PSD2: variants seen among roughly 807,000 people sequenced by gnomAD.
PSD2 encodes the protein PH and SEC7 domain-containing protein 2.
A neutral mutation model predicts 69.8 loss-of-function variants in PSD2; 38 were observed. The observed-to-expected ratio is 0.54, with a 90% CI of 0.42 to 0.71. The LOEUF (loss-of-function observed/expected upper bound fraction) is 0.71, where lower values mean the gene tolerates loss of function less well. PSD2 is among the 30% of genes least tolerant of loss of function. The pLI is 0.00. For synonymous variants in PSD2, 412 were observed against 423.0 expected, an observed-to-expected ratio of 0.97 and a Z score of 0.32; for missense variants, 943 against 1,014.5, an observed-to-expected ratio of 0.93 and a Z score of 0.96.
chr5:139,810,692 T>A (rs1057119698), intron 2 of PSD2, among the ~76,000 whole-genome samples: 2 of 152,144 alleles, frequency 1.3e-5, no homozygotes, highest in African/African-American at 2.4e-5. Context: ...TAAGTCTCCA[T>A]GGGCAGGAGT....
In PSD2 at chr5:139,809,696, G is replaced by A. The variant is rs772662167; in HGVS notation, c.256G>A (p.Asp86Asn). The change falls in exon 2 of 15, where the codon GAC becomes AAC. Residue 86 changes from aspartate to asparagine, a missense_variant. Physicochemically the swap from Asp to Asn is conservative, Grantham distance 23 (BLOSUM62 1). This residue lies in a region of PSD2 where 466 missense variants were observed against 445.0 expected (regional missense o/e 1.05). Transcript: ENST00000274710. ...SLTNGLALGP[D>N]LNILEDSAES... Reference sequence around the variant, plus strand: ...CACCAATGGCCTAGCCCTGGGGCCAGACTTGAACATTCTGGAAGATTCAGC... The same window carrying A: ...CACCAATGGCCTAGCCCTGGGGCCAAACTTGAACATTCTGGAAGATTCAGC... 40 of 1,614,156 alleles carry A rather than the reference G, an allele frequency of 2.5e-5. No individual in the cohort carries two copies. The highest frequency in any genetic ancestry group is 1.2e-4 in the Admixed American group (7 of 60,014).
At chr5:139,789,174 G>A in the PSD2 span, among the ~76,000 whole-genome samples, 1 of 152,288 alleles carries the variant, frequency 6.6e-6, no homozygotes, top group East Asian at 1.9e-4. Context: ...TTCATTCTTC[G>A]GTTCATCACT....
chr5:139,792,820 CCCTT>C (rs1183802965), upstream of PSD2, among the ~76,000 whole-genome samples: 26 of 145,454 alleles, frequency 1.8e-4, no homozygotes, highest in East Asian at 6.0e-4. Flanking sequence ...TTCCTTCCTT[CCCTT>C]CCTTCCTTCC....
Position 139,840,061 on chromosome 5 carries a change from G to A in PSD2, c.2003G>A (p.Arg668Lys), listed in dbSNP as rs756946944. ...CTGCGGTCTCATGAGAATAAGTTGA[G>A]GCAGCTGACTGCGGAGCTGGCCGAA... ...EQLRSHENKL[R>K]QLTAELAEHR... Residue 668 changes from arginine to lysine, a missense_variant, in exon 14 of 15, where the codon AGG (arginine) becomes AAG (lysine). Arg to Lys is a conservative substitution (Grantham distance 26, BLOSUM62 2). Around this residue, in one of 3 missense-constraint regions of PSD2, gnomAD observed 165 missense variants for 168.8 expected, o/e 0.98. Transcript: ENST00000274710. 16 of 1,614,230 alleles carry A rather than the reference G, an allele frequency of 9.9e-6. 1 individual carries two copies. In the East Asian group the frequency reaches 1.8e-4, roughly 18 times the overall value.
the PSD2 span, among the ~76,000 whole-genome samples, chr5:139,754,291 G>A: frequency 2.6e-5 from 4 of 152,164 alleles, no homozygotes; most frequent in Admixed American, 1.3e-4. Flanking sequence ...ATTTAGCTGG[G>A]TGTGGTGTTG....
At chr5:139,750,876 C>T in the PSD2 span, among the ~76,000 whole-genome samples, 1 of 152,178 alleles carries the variant, frequency 6.6e-6, no homozygotes, top group African/African-American at 2.4e-5. Context: ...TGGGGTTCTC[C>T]AGGCTGAGCA....
chr5:139,838,681 T>C lies in PSD2; in HGVS notation c.1877T>C (p.Ile626Thr), dbSNP rs749114755. ...WILRINLVAA[I>T]FSAPAFPAAV... Reference sequence around the variant, plus strand: ...CTCAGGATCAACCTGGTGGCAGCCATCTTCTCTGCCCCGGCCTTCCCAGCC... The same window carrying C: ...CTCAGGATCAACCTGGTGGCAGCCACCTTCTCTGCCCCGGCCTTCCCAGCC... The change falls in exon 13 of 15, where the codon ATC becomes ACC. Residue 626 changes from isoleucine (I) to threonine (T), a missense_variant. Physicochemically the swap from Ile to Thr is moderately conservative, Grantham distance 89. Transcript: ENST00000274710. 7 of 1,613,946 alleles carry C rather than the reference T, an allele frequency of 4.3e-6. No homozygotes were observed. The highest frequency in any genetic ancestry group is 4.2e-6 in the Non-Finnish European group (5 of 1,179,912).
At chr5:139,767,267 AC>A in the PSD2 span, among the ~76,000 whole-genome samples, 1 of 151,682 alleles carries the variant, frequency 6.6e-6, no homozygotes. Flanking sequence ...TGCTGGGATT[AC>A]AGGCGTGAGC....
At chr5:139,806,864 C>T (rs1411837776) in intron 1 of PSD2, among the ~76,000 whole-genome samples, 2 of 152,130 alleles carry the variant, frequency 1.3e-5, no homozygotes, top group Non-Finnish European at 2.9e-5. Context: ...GGACTCTGGG[C>T]CCCCCGCCCA....
rs1561598155 is a variant in PSD2, at chr5:139,814,978, C to T, written c.1016+614C>T. Among the ~76,000 whole-genome samples the T allele has an allele frequency of 6.6e-6, 1 of 152,180 alleles. No homozygotes were observed. The highest frequency in any genetic ancestry group is 1.5e-5 in the Non-Finnish European group (1 of 68,030). Reference sequence around the variant, plus strand: ...ACCAGTGTGACCACCCACCACCTGCCCCTGGCCCTTTCATCCAGATTGCCT... The same window carrying T: ...ACCAGTGTGACCACCCACCACCTGCTCCTGGCCCTTTCATCCAGATTGCCT... On this transcript the variant is annotated intron_variant, in intron 4 of 14. Coordinates refer to ENST00000274710, the MANE Select transcript of PSD2 (RefSeq NM_032289.4). The surrounding 1 kb of genome is among the most constrained non-coding windows in gnomAD (Gnocchi z 4.4).
At chr5:139,811,020 C>G (rs969250540) in intron 2 of PSD2, among the ~76,000 whole-genome samples, 2 of 152,176 alleles carry the variant, frequency 1.3e-5, no homozygotes, top group African/African-American at 4.8e-5. Flanking sequence ...ACAAGCAGGG[C>G]TCTGTCTTGT....
In PSD2 at chr5:139,837,235, G is replaced by A. The variant is rs1240612653; in HGVS notation, c.1662G>A (p.Gln554=). Residue 554 remains glutamine (Q), a synonymous_variant, in exon 11 of 15, where the codon CAG becomes CAA. Coordinates refer to ENST00000274710, the MANE Select transcript of PSD2 (RefSeq NM_032289.4). This position sits in a 1 kb window ranked among gnomAD's most constrained non-coding sequence, Gnocchi z 5.0. The part of the protein sequence containing the change: ...AVLKGTILYL[Q]KDEYRPDKAL... The stretch of plus-strand genomic sequence containing the variant: ...TCAAAGGGACCATCCTGTACCTGCA[G>A]AAGGTGAGAGACTGCCCCAGAGACC... 6.2e-7 allele frequency: 1 copy of A among 1,613,818 alleles called. No individual in the cohort carries two copies. The highest frequency in any genetic ancestry group is 1.3e-5 in the African/African-American group (1 of 74,934).
the PSD2 span, among the ~76,000 whole-genome samples, chr5:139,787,223 G>A: frequency 0.37 from 56,816 of 152,050 alleles, 12,264 homozygotes; most frequent in East Asian, 0.56. Context: ...GAAGGTCATG[G>A]GCATGAACGG....
chr5:139,768,521 G>A, the PSD2 span, among the ~76,000 whole-genome samples: 1 of 152,132 alleles, frequency 6.6e-6, no homozygotes, highest in Non-Finnish European at 1.5e-5. Context: ...AAGGGAGTTC[G>A]AGACTAGCCT....
intron 7 of PSD2, among the ~76,000 whole-genome samples, chr5:139,831,989 G>A (rs1472004726): frequency 6.6e-6 from 1 of 152,152 alleles, no homozygotes; most frequent in African/African-American, 2.4e-5. Flanking sequence ...TGCTGGGAAG[G>A]AGCAGGTGCT....
chr5:139,766,918 TTCCTTCCTTCCC>T, the PSD2 span, among the ~76,000 whole-genome samples: 7,670 of 43,300 alleles, frequency 0.18, 1,385 homozygotes, highest in Admixed American at 0.24. Context: ...CCTTCCTTCC[TTCCTTCCTTCCC>T]TTCTTTCTTT....
intron 1 of PSD2, among the ~76,000 whole-genome samples, chr5:139,796,805 G>C (rs1394573357): frequency 6.6e-6 from 1 of 152,230 alleles, no homozygotes; most frequent in Non-Finnish European, 1.5e-5. Context: ...GCCATCTTGG[G>C]GGGGCCAGGA....
At chr5:139,808,553 C>G (rs1759867182) in intron 1 of PSD2, among the ~76,000 whole-genome samples, 1 of 152,206 alleles carries the variant, frequency 6.6e-6, no homozygotes, top group African/African-American at 2.4e-5. Flanking sequence ...GCCTGACTCC[C>G]CTTCCAGTGC....
At chr5:139,757,733 C>T in the PSD2 span, among the ~76,000 whole-genome samples, 1 of 152,148 alleles carries the variant, frequency 6.6e-6, no homozygotes, top group Non-Finnish European at 1.5e-5. Context: ...TAAAAGCAGG[C>T]CTCCAGACCT....
Sources: gnomAD v4.1 joint callset for allele counts (sites outside exome capture counted in the v4.1 genomes callset) on GRCh38, gnomAD v4.1.1 for gene constraint, gnomAD v4.1.1 regional missense constraint, Gnocchi (gnomAD v3.1) non-coding constraint, MANE v1.5 for transcripts, NCBI Gene and HGNC (gene_info 2026-07-23, HGNC 2026-07-21) for gene names.